Variants in RIC8B observed in about 807,000 individuals in gnomAD.
The protein encoded by RIC8B is chaperone Ric-8B.
Under a neutral mutation model 57.5 loss-of-function variants are expected in RIC8B, and 16 were observed. The observed-to-expected ratio is 0.28, with a 90% confidence interval of 0.19 to 0.42. The LOEUF (loss-of-function observed/expected upper bound fraction) is 0.42, where lower values mean the gene tolerates loss of function less well. RIC8B is among the 10% of genes least tolerant of loss of function. RIC8B has a pLI of 1.00. For synonymous variants in RIC8B, 216 were observed against 250.8 expected, an observed-to-expected ratio of 0.86 and a Z score of 1.31; for missense variants, 481 against 677.0, an observed-to-expected ratio of 0.71 and a Z score of 3.21.
chr12:106,821,642 G>A (rs750870093), intron 3 of RIC8B, among the ~76,000 whole-genome samples: 3 of 151,996 alleles, frequency 2.0e-5, no homozygotes, highest in Non-Finnish European at 4.4e-5. Flanking sequence ...AAATGACATC[G>A]ATTTTCATTA....
chr12:106,828,281 A>G (rs2046201452), intron 4 of RIC8B, among the ~76,000 whole-genome samples: 5 of 152,192 alleles, frequency 3.3e-5, no homozygotes, highest in Admixed American at 2.0e-4. Context: ...AATCAGAATT[A>G]GAGTGATTAG....
intron 4 of RIC8B, among the ~76,000 whole-genome samples, chr12:106,831,997 C>T (rs1276103365): frequency 6.6e-6 from 1 of 152,176 alleles, no homozygotes; most frequent in African/African-American, 2.4e-5. Flanking sequence ...CTTCCTTAGA[C>T]ATAGATTCCT....
Position 106,843,835 on chromosome 12 carries a change from G to GT in RIC8B, c.1066-17_1066-16insT. The stretch of plus-strand genomic sequence containing the variant: ...AAACTAACGTATTTCAAAAACATAT[G>GT]GTTTTTTTTTTTATAGGGAAGCAGC... On this transcript the variant is annotated splice_polypyrimidine_tract_variant and intron_variant, in intron 5 of 9. Transcript: ENST00000392837. 8 of 1,519,988 alleles carry GT rather than the reference G, an allele frequency of 5.3e-6. No homozygotes were observed. In the South Asian group the frequency reaches 5.8e-5, roughly 11 times the overall value. 94.2% of individuals were successfully genotyped at this position (1,519,988 alleles called of 1,614,324 possible).
intron 2 of RIC8B, among the ~76,000 whole-genome samples, chr12:106,814,055 A>G (rs917941365): frequency 1.3e-5 from 2 of 152,254 alleles, no homozygotes; most frequent in African/African-American, 4.8e-5. Context: ...CAGCAAGATA[A>G]CAAAAGAAAG....
At chr12:106,855,940 C>T (rs1949701980) in intron 7 of RIC8B, among the ~76,000 whole-genome samples, 1 of 152,188 alleles carries the variant, frequency 6.6e-6, no homozygotes, top group Non-Finnish European at 1.5e-5. Flanking sequence ...TTATGATCTT[C>T]ATTCCCATGC....
chr12:106,870,999 C>G (rs1043729274), intron 9 of RIC8B, 57 bp downstream of exon 9: 2 of 1,506,438 alleles, frequency 1.3e-6, no homozygotes, highest in Non-Finnish European at 1.8e-6. Context: ...ATTTCTTTGT[C>G]TCTCTCACTG....
At chr12:106,804,851 G>C (rs2044933969) in intron 2 of RIC8B, among the ~76,000 whole-genome samples, 1 of 152,286 alleles carries the variant, frequency 6.6e-6, no homozygotes, top group East Asian at 1.9e-4. Context: ...TTTAGAGGTG[G>C]AAGGGATTAC....
intron 9 of RIC8B, chr12:106,874,598 TG>T (rs1555264459): frequency 3.4e-6 from 5 of 1,465,966 alleles, no homozygotes; most frequent in African/African-American, 1.4e-5. Flanking sequence ...TTACTGAGCC[TG>T]GTGTAGGGTA....
chr12:106,804,712 G>C (rs1458388832), intron 2 of RIC8B, among the ~76,000 whole-genome samples: 1 of 152,204 alleles, frequency 6.6e-6, no homozygotes, highest in African/African-American at 2.4e-5. Context: ...TGTGCATGTG[G>C]AAGAAGAGAA....
chr12:106,822,077 CAAAAAAAAAA>C (rs67378158), intron 3 of RIC8B, among the ~76,000 whole-genome samples: 7 of 38,042 alleles, frequency 1.8e-4, no homozygotes, highest in East Asian at 1.5e-3. Context: ...GACTCCATCT[CAAAAAAAAAA>C]AAAAAAAAAA....
At chr12:106,780,551 G>A (rs2043718599) in intron 1 of RIC8B, among the ~76,000 whole-genome samples, 1 of 152,210 alleles carries the variant, frequency 6.6e-6, no homozygotes, top group South Asian at 2.1e-4. Context: ...TACTTTGGAA[G>A]TTGGGCTCTG....
chr12:106,819,603 G>C (rs2045746931), intron 3 of RIC8B, among the ~76,000 whole-genome samples: 1 of 151,442 alleles, frequency 6.6e-6, no homozygotes, highest in Non-Finnish European at 1.5e-5. Context: ...AATAAAAAAA[G>C]ATAAAAATTA....
chr12:106,821,991 T>C (rs1200033115), intron 3 of RIC8B, among the ~76,000 whole-genome samples: 1 of 134,878 alleles, frequency 7.4e-6, no homozygotes, highest in African/African-American at 2.9e-5. Context: ...GGCAGGACAA[T>C]GGCGTGAATC....
At chr12:106,815,508 G>A (rs796261981) in intron 3 of RIC8B, among the ~76,000 whole-genome samples, 6 of 152,278 alleles carry the variant, frequency 3.9e-5, no homozygotes, top group African/African-American at 1.4e-4. Flanking sequence ...TATCAGAATA[G>A]GTGTAAAAAT....
chr12:106,885,852 G>T, intron 9 of RIC8B, 52 bp from the exon 10 acceptor site: 1 of 1,175,066 alleles, frequency 8.5e-7, no homozygotes, highest in Non-Finnish European at 1.3e-6. Context: ...AGGGGTGTGT[G>T]TGTGATGCTG....
At chr12:106,793,763 A>G (rs1217335805) in intron 2 of RIC8B, among the ~76,000 whole-genome samples, 2 of 152,230 alleles carry the variant, frequency 1.3e-5, no homozygotes, top group Non-Finnish European at 2.9e-5. Context: ...AAGGTGCAAC[A>G]TTAGGGCTTC....
At chr12:106,874,211 A>G (rs2136623511) in intron 9 of RIC8B, among the ~76,000 whole-genome samples, 1 of 152,344 alleles carries the variant, frequency 6.6e-6, no homozygotes, top group African/African-American at 2.4e-5. Flanking sequence ...TCTGTCTGTT[A>G]TAGTAAGTGT....
At chr12:106,789,113 C>T (rs2044157598) in intron 2 of RIC8B, among the ~76,000 whole-genome samples, 1 of 152,204 alleles carries the variant, frequency 6.6e-6, no homozygotes, top group South Asian at 2.1e-4. Flanking sequence ...TTCCACAGAT[C>T]TCTAGGGCAG....
chr12:106,870,967 GCT>G, intron 9 of RIC8B, 25 bp downstream of exon 9: 1 of 1,539,326 alleles, frequency 6.5e-7, no homozygotes, highest in Non-Finnish European at 8.8e-7. Context: ...TCCATTTTTT[GCT>G]TGGTTTCTAA....
Sources: allele counts gnomAD v4.1 joint callset (sites outside exome capture counted in the v4.1 genomes callset), GRCh38; gene constraint gnomAD v4.1.1; transcripts MANE v1.5; gene names NCBI Gene and HGNC (gene_info 2026-07-23, HGNC 2026-07-21).